PKHD1: variants seen among roughly 807,000 people sequenced by gnomAD.
The protein encoded by PKHD1 is PKHD1 ciliary IPT domain containing fibrocystin/polyductin, also known as fibrocystin.
PKHD1 carries 291 observed loss-of-function variants against 412.0 expected under a neutral mutation model. The ratio of observed to expected loss-of-function variants is 0.71; its 90% CI spans 0.64 to 0.78. The LOEUF (loss-of-function observed/expected upper bound fraction) is 0.78. Ranked by LOEUF, PKHD1 falls within the 30% of genes least tolerant of loss-of-function variation. The pLI is 0.00. For synonymous variants in PKHD1, 1,777 were observed against 1,821.5 expected (o/e 0.98, Z 0.62); for missense variants, 4,825 against 4,950.7 (o/e 0.97, Z 0.76).
intron 60 of PKHD1, among the ~76,000 whole-genome samples, chr6:51,675,237 G>A (rs1027195173): frequency 9.9e-5 from 15 of 152,188 alleles, no homozygotes; most frequent in African/African-American, 3.6e-4. Flanking sequence ...CTACTGGCAG[G>A]AGCCTGCAGT....
intron 34 of PKHD1, among the ~76,000 whole-genome samples, chr6:52,012,686 A>G (rs1167210949): frequency 6.6e-6 from 1 of 152,272 alleles, no homozygotes; most frequent in Non-Finnish European, 1.5e-5. Flanking sequence ...TGAGGCTTGC[A>G]TCAGGCCACT....
At chr6:51,781,747 C>G (rs1792051578) in intron 53 of PKHD1, among the ~76,000 whole-genome samples, 1 of 151,942 alleles carries the variant, frequency 6.6e-6, no homozygotes, top group African/African-American at 2.4e-5. Context: ...ATGGAGGTAT[C>G]ACACTTATTT....
chr6:52,069,205 C>T (rs1020373113), intron 11 of PKHD1, among the ~76,000 whole-genome samples: 11 of 152,308 alleles, frequency 7.2e-5, no homozygotes, highest in Non-Finnish European at 1.5e-4. Flanking sequence ...AGGCAAGACT[C>T]TCCTTTCTTT....
intron 60 of PKHD1, among the ~76,000 whole-genome samples, chr6:51,667,174 G>C (rs373598643): frequency 1.4e-5 from 2 of 141,078 alleles, no homozygotes; most frequent in Non-Finnish European, 3.1e-5. Flanking sequence ...GTGTAAAAGT[G>C]TTCCTATTTC....
At chr6:51,812,338 A>C (rs1764822109) in intron 52 of PKHD1, among the ~76,000 whole-genome samples, 1 of 152,198 alleles carries the variant, frequency 6.6e-6, no homozygotes, top group Admixed American at 6.6e-5. Context: ...AATAAAATAC[A>C]ATAAAAATTC....
chr6:52,014,602 T>C (rs1800237696), intron 34 of PKHD1, among the ~76,000 whole-genome samples: 1 of 150,378 alleles, frequency 6.6e-6, no homozygotes, highest in Admixed American at 6.6e-5. Context: ...GATGGGTGGA[T>C]GGATGGATGA....
intron 34 of PKHD1, among the ~76,000 whole-genome samples, chr6:52,011,987 A>G (rs1799892535): frequency 6.6e-6 from 1 of 152,182 alleles, no homozygotes; most frequent in African/African-American, 2.4e-5. Context: ...TGGTCAATTC[A>G]AAGTCTCAGA....
At chr6:51,734,592 G>A (rs1330376993) in intron 60 of PKHD1, among the ~76,000 whole-genome samples, 1 of 152,120 alleles carries the variant, frequency 6.6e-6, no homozygotes, top group Non-Finnish European at 1.5e-5. Flanking sequence ...CTGTAATGGA[G>A]CTGAGCAACG....
At chr6:51,724,402 T>C (rs569815472) in intron 60 of PKHD1, among the ~76,000 whole-genome samples, 2 of 152,220 alleles carry the variant, frequency 1.3e-5, no homozygotes, top group Non-Finnish European at 2.9e-5. Flanking sequence ...ATTTAAGCCA[T>C]AATCATCTGG....
intron 48 of PKHD1, among the ~76,000 whole-genome samples, chr6:51,864,014 T>C (rs1458507780): frequency 2.0e-5 from 3 of 152,074 alleles, no homozygotes; most frequent in African/African-American, 7.2e-5. Context: ...TAAGTACTGA[T>C]TAGAGCAAGT....
intron 37 of PKHD1, among the ~76,000 whole-genome samples, chr6:51,932,607 G>A (rs1006128018): frequency 1.3e-5 from 2 of 152,218 alleles, no homozygotes; most frequent in Non-Finnish European, 2.9e-5. Context: ...CATGGCTGAC[G>A]TGGGAATAGA....
At chr6:51,979,186 A>T (rs1196617936) in intron 35 of PKHD1, among the ~76,000 whole-genome samples, 1 of 152,132 alleles carries the variant, frequency 6.6e-6, no homozygotes, top group African/African-American at 2.4e-5. Flanking sequence ...AAGACCATAC[A>T]GAACATACAG....
intron 50 of PKHD1, among the ~76,000 whole-genome samples, chr6:51,846,177 C>T (rs766487882): frequency 7.2e-5 from 11 of 152,076 alleles, no homozygotes; most frequent in South Asian, 2.1e-4. Context: ...ATAAAATATA[C>T]GACAATCCTT....
intron 46 of PKHD1, among the ~76,000 whole-genome samples, chr6:51,874,348 C>T (rs978821214): frequency 3.3e-5 from 5 of 152,120 alleles, no homozygotes; most frequent in African/African-American, 1.2e-4. Flanking sequence ...AAACAAACTA[C>T]GCACCCAAAC....
chr6:51,828,564 A>G (rs1241887574), intron 52 of PKHD1, among the ~76,000 whole-genome samples: 1 of 152,152 alleles, frequency 6.6e-6, no homozygotes, highest in East Asian at 1.9e-4. Flanking sequence ...GTATGTGTCA[A>G]TGCTGTCAAA....
rs34402676 is a variant in PKHD1, at chr6:51,654,643, C to CAA, written c.11174+4307_11174+4308dup. On this transcript the variant is annotated intron_variant, in intron 61 of 66. Transcript: ENST00000371117. ...TAGCATCCTTTTCATAGCAAAATAGCAAAAAAAAAAATACAATAGATTACA... is the reference window on the plus strand; with the variant it reads ...TAGCATCCTTTTCATAGCAAAATAGCAAAAAAAAAAAAATACAATAGATTACA... Among the ~76,000 whole-genome samples the CAA allele has an allele frequency of 2.7e-3, 402 of 147,642 alleles. 1 individual carries two copies. Among genetic ancestry groups the CAA allele is most frequent in the Middle Eastern group, 0.014 (4 of 294 alleles).
At chr6:51,915,223 T>A (rs747470579) in intron 37 of PKHD1, among the ~76,000 whole-genome samples, 1 of 152,118 alleles carries the variant, frequency 6.6e-6, no homozygotes, top group Non-Finnish European at 1.5e-5. Context: ...TGTCACCTGA[T>A]GCTGCTCCAC....
At position 51,980,509 on chromosome 6, in the gene PKHD1, G is replaced by A. The variant is rs148055631; in HGVS notation, c.5752-20483C>T. Among the ~76,000 whole-genome samples the A allele has an allele frequency of 2.8e-3, 431 of 152,250 alleles. 1 individual carries two copies. Among genetic ancestry groups the A allele is most frequent in the Non-Finnish European group, 2.8e-3 (191 of 68,028 alleles). ...TATTCAACCCATAAACATTTATTGA[G>A]CCAGGTACTGTGCTAGACCCTTAGG... On this transcript the variant is annotated intron_variant, in intron 35 of 66. Transcript: ENST00000371117.
intron 48 of PKHD1, among the ~76,000 whole-genome samples, chr6:51,859,244 C>T (rs755485827): frequency 7.9e-5 from 12 of 151,980 alleles, no homozygotes; most frequent in Non-Finnish European, 1.6e-4. Flanking sequence ...AAAATTACCT[C>T]GGCCGGGAGC....
Sources: allele counts gnomAD v4.1 joint callset (sites outside exome capture counted in the v4.1 genomes callset), GRCh38; gene constraint gnomAD v4.1.1; transcripts MANE v1.5; gene names NCBI Gene and HGNC (gene_info 2026-07-23, HGNC 2026-07-21).